The following GLTP variants were observed in gnomAD, a reference collection of about 807,000 sequenced individuals.
GLTP encodes the protein glycolipid transfer protein.
Under a neutral mutation model 24.0 loss-of-function variants are expected in GLTP, and 22 were observed. That is an observed-to-expected ratio of 0.92 (90% CI 0.65 to 1.31). GLTP has a LOEUF of 1.31. Ranked by LOEUF, GLTP falls within the 50% of genes most tolerant of loss-of-function variation. The pLI is 0.00. For synonymous variants in GLTP, 92 were observed against 115.9 expected (o/e 0.79, Z 1.33); for missense variants, 224 against 276.6 (o/e 0.81, Z 1.35).
intron 1 of GLTP, among the ~76,000 whole-genome samples, chr12:109,860,639 A>G (rs1892859390): frequency 6.6e-6 from 1 of 151,926 alleles, no homozygotes; most frequent in East Asian, 1.9e-4. Context: ...CATCACACCC[A>G]GTAGAATGTT....
At position 109,852,424 on chromosome 12, in the gene GLTP, T is replaced by A; in HGVS notation, c.*131A>T. On this transcript the variant is annotated 3_prime_UTR_variant, in exon 5 of 5. Coordinates refer to ENST00000318348, the MANE Select transcript of GLTP (RefSeq NM_016433.4). ...AAAACGAGGGCTGTCCCCTGCAGAC[T>A]CTGGCAGGACCCTGGGCTGCTCTGG... 15 of 484,812 alleles carry A rather than the reference T, an allele frequency of 3.1e-5. No homozygotes were observed. The highest frequency in any genetic ancestry group is 4.6e-5 in the Non-Finnish European group (12 of 259,196). 30.0% of individuals were successfully genotyped at this position (484,812 alleles called of 1,614,324 possible).
In GLTP at chr12:109,851,521, C is replaced by T. The variant is rs1306055587; in HGVS notation, c.*1034G>A. On this transcript the variant is annotated 3_prime_UTR_variant, in exon 5 of 5. Coordinates refer to ENST00000318348, the MANE Select transcript of GLTP (RefSeq NM_016433.4). ...TTTTAAAAAATCCCACATAGGGGCC[C>T]TGCATAATTTTAAATCAAACTCTTT... The T allele has an allele frequency of 6.6e-6, 1 of 152,196 alleles. No individual in the cohort carries two copies. Among genetic ancestry groups the T allele is most frequent in the South Asian group, 2.1e-4 (1 of 4,836 alleles). 9.4% of individuals were successfully genotyped at this position (152,196 alleles called of 1,614,324 possible). A position where few individuals can be genotyped will look rare whatever the true frequency, so the allele number is the denominator to read the frequency against.
At chr12:109,871,239 C>T (rs191897610) in intron 1 of GLTP, among the ~76,000 whole-genome samples, 3 of 152,062 alleles carry the variant, frequency 2.0e-5, no homozygotes, top group African/African-American at 7.2e-5. Flanking sequence ...TGCGCCACCA[C>T]ACCTGGCCAA....
At chr12:109,879,993 CA>C (rs1414787630) in intron 1 of GLTP, among the ~76,000 whole-genome samples, 6 of 151,416 alleles carry the variant, frequency 4.0e-5, no homozygotes, top group Admixed American at 2.0e-4. Context: ...CACGGATGAT[CA>C]GGGGGCATTT....
intron 1 of GLTP, among the ~76,000 whole-genome samples, chr12:109,859,012 C>A (rs1892838911): frequency 6.6e-6 from 1 of 152,220 alleles, no homozygotes; most frequent in Non-Finnish European, 1.5e-5. Flanking sequence ...AATCCTAAGA[C>A]ACACATTTGA....
At chr12:109,871,249 A>AT (rs935411604) in intron 1 of GLTP, among the ~76,000 whole-genome samples, 12 of 150,170 alleles carry the variant, frequency 8.0e-5, no homozygotes, top group South Asian at 2.1e-4. Flanking sequence ...CACCTGGCCA[A>AT]TTTTTTTTTG....
chr12:109,856,740 C>G (rs1892801741), intron 3 of GLTP, among the ~76,000 whole-genome samples: 1 of 152,182 alleles, frequency 6.6e-6, no homozygotes, highest in Admixed American at 6.5e-5. Flanking sequence ...CAAACTAGCC[C>G]ATAGGATGTA....
At chr12:109,879,294 A>C (rs1868984948) in intron 1 of GLTP, among the ~76,000 whole-genome samples, 2 of 152,214 alleles carry the variant, frequency 1.3e-5, no homozygotes, top group African/African-American at 4.8e-5. Flanking sequence ...CAGAGCCCAC[A>C]TGGAGAAGGA....
chr12:109,873,736 G>A (rs1868800895), intron 1 of GLTP, among the ~76,000 whole-genome samples: 1 of 151,940 alleles, frequency 6.6e-6, no homozygotes, highest in South Asian at 2.1e-4. Context: ...TTGAGCCCAG[G>A]AGCTGGAGGC....
intron 1 of GLTP, among the ~76,000 whole-genome samples, chr12:109,859,357 TAA>T (rs1892842614): frequency 6.6e-6 from 1 of 152,162 alleles, no homozygotes; most frequent in Admixed American, 6.5e-5. Context: ...TTGTCTCTAC[TAA>T]TATACAAAAA....
intron 4 of GLTP, among the ~76,000 whole-genome samples, chr12:109,853,711 C>T (rs928334032): frequency 1.3e-5 from 2 of 151,184 alleles, no homozygotes; most frequent in Non-Finnish European, 2.9e-5. Context: ...AAGTTTAGGC[C>T]ATGAGTTTGA....
intron 1 of GLTP, among the ~76,000 whole-genome samples, chr12:109,873,773 C>T (rs1868801943): frequency 6.6e-6 from 1 of 152,122 alleles, no homozygotes; most frequent in African/African-American, 2.4e-5. Flanking sequence ...CACCCCACTG[C>T]ATGCCAGTCT....
At chr12:109,878,033 G>T (rs1297756029) in intron 1 of GLTP, among the ~76,000 whole-genome samples, 1 of 152,144 alleles carries the variant, frequency 6.6e-6, no homozygotes, top group Non-Finnish European at 1.5e-5. Flanking sequence ...CCCCACTGCG[G>T]CTTCTGTATA....
intron 1 of GLTP, among the ~76,000 whole-genome samples, chr12:109,873,294 C>T (rs1208871671): frequency 1.3e-5 from 2 of 151,880 alleles, no homozygotes; most frequent in Non-Finnish European, 2.9e-5. Flanking sequence ...TCAAGGGGTA[C>T]AGGTGGGGCT....
At chr12:109,858,632 T>TTAG in intron 2 of GLTP, 51 bp downstream of exon 2, 1 of 1,395,016 alleles carries the variant, frequency 7.2e-7, no homozygotes, top group Non-Finnish European at 1.0e-6. Flanking sequence ...CCAGGTGGGC[T>TTAG]TAGATTCCTA....
chr12:109,852,677 T>C lies in GLTP; in HGVS notation c.508A>G (p.Asn170Asp), dbSNP rs1892742453. 6.2e-7 allele frequency: 1 copy of C among 1,611,288 alleles called. No homozygotes were observed. Among genetic ancestry groups the C allele is most frequent in the Non-Finnish European group, 8.5e-7 (1 of 1,177,426 alleles). Reference sequence around the variant, plus strand: ...TCCAGGCACTCCTCCTCCGTAACATTCTGCCCCTTGGAGAGCGCTTTCAGG... The same window carrying C: ...TCCAGGCACTCCTCCTCCGTAACATCCTGCCCCTTGGAGAGCGCTTTCAGG... ...DFLKALSKGQ[N>D]VTEEECLEKI... is the part of the protein sequence containing the mutation. The change falls in exon 5 of 5, where the codon AAT (asparagine) becomes GAT (aspartate). Residue 170 changes from asparagine (N) to aspartate (D), a missense_variant. Coordinates refer to ENST00000318348, the MANE Select transcript of GLTP (RefSeq NM_016433.4).
At chr12:109,875,315 G>C (rs938338630) in intron 1 of GLTP, among the ~76,000 whole-genome samples, 2 of 152,170 alleles carry the variant, frequency 1.3e-5, no homozygotes, top group African/African-American at 4.8e-5. Flanking sequence ...AGGGAGGTGG[G>C]CTGAAGAGTA....
intron 1 of GLTP, among the ~76,000 whole-genome samples, chr12:109,876,716 T>G (rs1752182380): frequency 6.6e-6 from 1 of 151,664 alleles, no homozygotes; most frequent in Admixed American, 6.6e-5. Flanking sequence ...AGAAAAGGAC[T>G]GACATGAAAA....
chr12:109,869,796 C>A (rs1423287490), intron 1 of GLTP, among the ~76,000 whole-genome samples: 2 of 143,942 alleles, frequency 1.4e-5, no homozygotes, highest in African/African-American at 5.1e-5. Context: ...TATTTTGAGA[C>A]TCTCACTCTG....
Sources: allele counts gnomAD v4.1 joint callset (sites outside exome capture counted in the v4.1 genomes callset), GRCh38; gene constraint gnomAD v4.1.1; transcripts MANE v1.5; gene names NCBI Gene and HGNC (gene_info 2026-07-23, HGNC 2026-07-21).